The following PRKCQ variants were observed in gnomAD, a reference collection of about 807,000 sequenced individuals.
PRKCQ encodes protein kinase C theta type.
A neutral mutation model predicts 91.2 loss-of-function variants in PRKCQ; 41 were observed. That is an observed-to-expected ratio of 0.45 (90% confidence interval 0.35 to 0.58). The LOEUF is 0.58. PRKCQ is among the 20% of genes least tolerant of loss of function. PRKCQ has a pLI of 0.00. For missense variants in PRKCQ, 673 were observed against 896.5 expected, an observed-to-expected ratio of 0.75 and a Z score of 3.18; for synonymous variants, 307 against 316.9, an observed-to-expected ratio of 0.97 and a Z score of 0.33.
At chr10:6,428,550 C>G (rs1443754295) in intron 17 of PRKCQ, among the ~76,000 whole-genome samples, 188 bp from the exon 18 acceptor site, 4 of 152,070 alleles carry the variant, frequency 2.6e-5, no homozygotes, top group Non-Finnish European at 5.9e-5. Flanking sequence ...GATCCTGTGT[C>G]CTCAGCTTAA....
At chr10:6,461,437 C>T (rs1835346578) in intron 14 of PRKCQ, among the ~76,000 whole-genome samples, 1 of 152,170 alleles carries the variant, frequency 6.6e-6, no homozygotes, top group Non-Finnish European at 1.5e-5. Flanking sequence ...TTCTCAATTT[C>T]CTGAAGATTA....
At chr10:6,572,399 G>A (rs763619513) in intron 1 of PRKCQ, among the ~76,000 whole-genome samples, 3 of 151,912 alleles carry the variant, frequency 2.0e-5, no homozygotes, top group Non-Finnish European at 4.4e-5. Flanking sequence ...CCCACCTCCC[G>A]ACAGGCCCCA....
intron 1 of PRKCQ, among the ~76,000 whole-genome samples, chr10:6,578,895 G>A (rs1841341398): frequency 6.6e-6 from 1 of 152,090 alleles, no homozygotes; most frequent in Non-Finnish European, 1.5e-5. Context: ...CAAGGTCGGG[G>A]TGTGGGGTGG....
At chr10:6,489,797 C>T (rs752861812) in intron 8 of PRKCQ, among the ~76,000 whole-genome samples, 25 of 151,654 alleles carry the variant, frequency 1.6e-4, no homozygotes, top group Non-Finnish European at 2.8e-4. Context: ...CAGAATGGAG[C>T]GGAAAGGAAA....
At chr10:6,504,125 C>T (rs1332951478) in intron 4 of PRKCQ, among the ~76,000 whole-genome samples, 1 of 152,178 alleles carries the variant, frequency 6.6e-6, no homozygotes, top group Non-Finnish European at 1.5e-5. Flanking sequence ...ACTTAACAGG[C>T]ATTCTGTAGA....
At chr10:6,456,591 C>T (rs1835019428) in intron 15 of PRKCQ, 83 bp downstream of exon 15, 1 of 1,522,110 alleles carries the variant, frequency 6.6e-7, no homozygotes, top group South Asian at 1.3e-5. Flanking sequence ...TATTTAAAAC[C>T]TTCTGATTTT....
At chr10:6,491,012 A>G (rs1173140396) in intron 8 of PRKCQ, among the ~76,000 whole-genome samples, 2 of 151,472 alleles carry the variant, frequency 1.3e-5, no homozygotes, top group East Asian at 3.9e-4. Flanking sequence ...TCCTTTTTTG[A>G]TGGTAGGTCT....
the PRKCQ span, among the ~76,000 whole-genome samples, chr10:6,409,206 T>A: frequency 5.9e-5 from 9 of 152,370 alleles, no homozygotes; most frequent in African/African-American, 2.2e-4. Context: ...TGGATGTATG[T>A]TGCTTGTGAC....
the PRKCQ span, among the ~76,000 whole-genome samples, chr10:6,395,890 C>T: frequency 1.3e-5 from 2 of 152,156 alleles, no homozygotes; most frequent in Admixed American, 6.5e-5. Context: ...CCTTTTCCTT[C>T]TCTGCTCCCA....
chr10:6,502,600 G>A (rs866733258), intron 4 of PRKCQ, among the ~76,000 whole-genome samples: 4 of 152,178 alleles, frequency 2.6e-5, no homozygotes, highest in Non-Finnish European at 4.4e-5. Context: ...GGCTTGATAT[G>A]GTCAGATTTG....
chr10:6,539,242 T>C (rs1839690818), intron 1 of PRKCQ, among the ~76,000 whole-genome samples: 1 of 152,144 alleles, frequency 6.6e-6, no homozygotes, highest in Admixed American at 6.5e-5. Context: ...TGGAGGATGC[T>C]GACTTTTCTA....
intron 11 of PRKCQ, among the ~76,000 whole-genome samples, chr10:6,481,143 G>C (rs1836576390): frequency 6.6e-6 from 1 of 152,156 alleles, no homozygotes; most frequent in Non-Finnish European, 1.5e-5. Flanking sequence ...AAAAGAAGTA[G>C]ACAGCTTTGG....
At chr10:6,507,384 G>T in intron 4 of PRKCQ, 52 bp downstream of exon 4, 2 of 1,494,754 alleles carry the variant, frequency 1.3e-6, no homozygotes, top group South Asian at 2.3e-5. Flanking sequence ...TGCATTTGAG[G>T]AGAAGGCCAT....
chr10:6,510,917 T>C (rs1407161020), intron 3 of PRKCQ, 78 bp downstream of exon 3: 13 of 1,551,622 alleles, frequency 8.4e-6, no homozygotes, highest in Non-Finnish European at 1.1e-5. Context: ...CACCCTCAGA[T>C]TGACATGGGA....
chr10:6,500,478 G>C (rs1837845483), intron 4 of PRKCQ, among the ~76,000 whole-genome samples: 1 of 150,574 alleles, frequency 6.6e-6, no homozygotes, highest in Non-Finnish European at 1.5e-5. Context: ...TAAATATATA[G>C]TTATATACAC....
intron 17 of PRKCQ, 82 bp from the exon 18 acceptor site, chr10:6,428,444 C>T (rs1055160338): frequency 3.8e-5 from 56 of 1,471,562 alleles, no homozygotes; most frequent in South Asian, 6.3e-5. Context: ...TTATCTAGGC[C>T]GTGATCTGCG....
chr10:6,413,053 C>T, the PRKCQ span, among the ~76,000 whole-genome samples: 2 of 152,076 alleles, frequency 1.3e-5, no homozygotes, highest in African/African-American at 4.8e-5. Flanking sequence ...CCTGGGTTCA[C>T]GCCATTCTCC....
intron 1 of PRKCQ, among the ~76,000 whole-genome samples, chr10:6,526,035 G>A (rs1383389799): frequency 2.6e-5 from 4 of 152,324 alleles, no homozygotes; most frequent in African/African-American, 9.6e-5. Flanking sequence ...ACTCCTACGT[G>A]CATTGCACAG....
intron 1 of PRKCQ, among the ~76,000 whole-genome samples, chr10:6,574,390 G>A (rs569818503): frequency 6.6e-6 from 1 of 152,292 alleles, no homozygotes; most frequent in East Asian, 1.9e-4. Context: ...CTTAACGCAG[G>A]ACAACTCTAC....
Sources: allele counts gnomAD v4.1 joint callset (sites outside exome capture counted in the v4.1 genomes callset), GRCh38; gene constraint gnomAD v4.1.1; transcripts MANE v1.5; gene names NCBI Gene and HGNC (gene_info 2026-07-23, HGNC 2026-07-21).